CTNND2: variants seen among roughly 807,000 people sequenced by gnomAD.
CTNND2 encodes catenin delta-2.
CTNND2 carries 22 observed loss-of-function variants against 144.4 expected under a neutral mutation model. The ratio of observed to expected loss-of-function variants is 0.15; its 90% CI spans 0.11 to 0.22. The LOEUF (loss-of-function observed/expected upper bound fraction) is 0.22. CTNND2 is among the 10% of genes least tolerant of loss of function. The pLI, the probability that CTNND2 is intolerant of heterozygous loss-of-function variation, is 1.00. For missense variants in CTNND2, 1,353 were observed against 1,618.8 expected (o/e 0.84, Z 2.82); for synonymous variants, 751 against 695.6 (o/e 1.08, Z -1.25).
Position 11,283,705 on chromosome 5 carries a change from A to AAAAG in CTNND2, c.1629-46883_1629-46882insCTTT, listed in dbSNP as rs1242454528. On this transcript the variant is annotated intron_variant, in intron 9 of 21. Coordinates refer to ENST00000304623, the MANE Select transcript of CTNND2 (RefSeq NM_001332.4). ...AAAAAAAAAAAAAAAAAAAAAAAAAAAGAGAGAGACATGGGAATCTGTATA... is the reference window on the plus strand; with the variant it reads ...AAAAAAAAAAAAAAAAAAAAAAAAAAAAAGAGAGAGAGACATGGGAATCTGTATA... Among the ~76,000 whole-genome samples, 602 of 123,186 alleles carry AAAAG rather than the reference A, an allele frequency of 4.9e-3. 25 individuals are homozygous for AAAAG. Among genetic ancestry groups the AAAAG allele is most frequent in the African/African-American group, 0.012 (353 of 30,636 alleles). The allele number at this position is 123,186 out of a possible 152,430, so 80.8% of individuals were successfully genotyped here. A position where few individuals can be genotyped will look rare whatever the true frequency, so the allele number is the denominator to read the frequency against.
At chr5:11,729,509 C>T (rs1240851234) in intron 2 of CTNND2, among the ~76,000 whole-genome samples, 3 of 152,078 alleles carry the variant, frequency 2.0e-5, no homozygotes, top group Non-Finnish European at 2.9e-5. Context: ...TGGATTTTTT[C>T]CCCAAAGATT....
chr5:11,665,581 G>A (rs549010114), intron 2 of CTNND2, among the ~76,000 whole-genome samples: 3 of 152,196 alleles, frequency 2.0e-5, no homozygotes, highest in South Asian at 2.1e-4. Flanking sequence ...AATGCTATAC[G>A]GAATATCATC....
chr5:11,703,608 CTT>C (rs1327437528), intron 2 of CTNND2, among the ~76,000 whole-genome samples: 1 of 152,184 alleles, frequency 6.6e-6, no homozygotes, highest in Non-Finnish European at 1.5e-5. Context: ...CCAGGTACTT[CTT>C]TAGTTATTGC....
Position 11,531,320 on chromosome 5 carries a change from C to G in CTNND2, c.287+33624G>C, listed in dbSNP as rs566855056. 4.6e-4 allele frequency among the ~76,000 whole-genome samples: 70 copies of G among 152,194 alleles called. No individual in the cohort carries two copies. In the South Asian group the frequency reaches 0.011, roughly 23 times the overall value. The stretch of plus-strand genomic sequence containing the variant: ...TGGGAGGGAAACACGGCCCCCCACA[C>G]AGTGAGCTAAAAAAGACAGGGAGGG... On this transcript the variant is annotated intron_variant, in intron 3 of 21. Coordinates refer to ENST00000304623, the MANE Select transcript of CTNND2 (RefSeq NM_001332.4).
At chr5:11,790,686 A>G (rs1280792755) in intron 1 of CTNND2, among the ~76,000 whole-genome samples, 1 of 152,222 alleles carries the variant, frequency 6.6e-6, no homozygotes, top group Non-Finnish European at 1.5e-5. Context: ...CAGTAAATCT[A>G]CAAATATCAC....
intron 9 of CTNND2, among the ~76,000 whole-genome samples, chr5:11,289,747 T>C (rs1748128292): frequency 6.6e-6 from 1 of 152,154 alleles, no homozygotes; most frequent in African/African-American, 2.4e-5. Flanking sequence ...CTTTCCACGG[T>C]TCCCATCTAA....
chr5:11,069,011 C>T (rs1028977766), intron 16 of CTNND2, among the ~76,000 whole-genome samples: 21 of 152,332 alleles, frequency 1.4e-4, no homozygotes, highest in African/African-American at 3.8e-4. Flanking sequence ...AGACACTGTC[C>T]GTGTCCGTGT....
intron 3 of CTNND2, among the ~76,000 whole-genome samples, chr5:11,527,381 A>T (rs1773349627): frequency 6.6e-6 from 1 of 152,164 alleles, no homozygotes; most frequent in Admixed American, 6.5e-5. Flanking sequence ...ATGCAAAGAT[A>T]CACTGTGCCC....
chr5:11,018,343 T>C (rs1237295385), intron 17 of CTNND2, among the ~76,000 whole-genome samples: 3 of 152,028 alleles, frequency 2.0e-5, no homozygotes, highest in Admixed American at 6.6e-5. Context: ...GACAAAACAA[T>C]GTAGAAATTA....
intron 3 of CTNND2, among the ~76,000 whole-genome samples, chr5:11,515,725 T>C (rs944547721): frequency 6.6e-6 from 1 of 152,116 alleles, no homozygotes; most frequent in Non-Finnish European, 1.5e-5. Flanking sequence ...CAGAAGTGCA[T>C]AGAAAATTTA....
chr5:11,625,173 T>C (rs1285928216), intron 2 of CTNND2, among the ~76,000 whole-genome samples: 1 of 152,128 alleles, frequency 6.6e-6, no homozygotes, highest in Admixed American at 6.6e-5. Context: ...TTTTGTTTCT[T>C]GCTTCTAATC....
At chr5:11,849,595 G>A (rs1561856625) in intron 1 of CTNND2, among the ~76,000 whole-genome samples, 4 of 152,100 alleles carry the variant, frequency 2.6e-5, no homozygotes, top group South Asian at 4.1e-4. Flanking sequence ...CTGGTGGTAC[G>A]GTTTAGGTAG....
intron 3 of CTNND2, among the ~76,000 whole-genome samples, chr5:11,445,050 T>A (rs1460633990): frequency 6.6e-6 from 1 of 152,172 alleles, no homozygotes; most frequent in Non-Finnish European, 1.5e-5. Context: ...GGGTGCTTCA[T>A]AACAGCAGAA....
In CTNND2 at chr5:11,210,374, GATGACAGAGGA is replaced by G. The variant is rs2149844606; in HGVS notation, c.1762-10724_1762-10714del. ...GATCTTGCCACTGTACTCCAGCCTG[GATGACAGAGGA>G]AGACTCTGTCTAAAAATAAATAAAT... On this transcript the variant is annotated intron_variant, in intron 10 of 21. Coordinates refer to ENST00000304623, the MANE Select transcript of CTNND2 (RefSeq NM_001332.4). 1.3e-5 allele frequency among the ~76,000 whole-genome samples: 2 copies of G among 152,296 alleles called. 1 individual carries two copies. Among genetic ancestry groups the G allele is most frequent in the South Asian group, 4.1e-4 (2 of 4,826 alleles).
chr5:11,159,496 G>C, intron 12 of CTNND2, 80 bp downstream of exon 12: 9 of 1,163,250 alleles, frequency 7.7e-6, no homozygotes, highest in South Asian at 6.6e-5. Context: ...CTCAGTAAAA[G>C]AGCCACTAAA....
chr5:11,436,956 C>T (rs1182856184), intron 3 of CTNND2, among the ~76,000 whole-genome samples: 1 of 152,144 alleles, frequency 6.6e-6, no homozygotes, highest in Non-Finnish European at 1.5e-5. Context: ...ACCTAATCCA[C>T]TAAATCTAAG....
chr5:11,382,848 G>A (rs988696517), intron 7 of CTNND2, among the ~76,000 whole-genome samples: 1 of 152,106 alleles, frequency 6.6e-6, no homozygotes, highest in African/African-American at 2.4e-5. Flanking sequence ...AATCAGGCAT[G>A]GAGGTCTTGG....
At chr5:11,124,015 G>A (rs1422228271) in intron 12 of CTNND2, among the ~76,000 whole-genome samples, 1 of 152,132 alleles carries the variant, frequency 6.6e-6, no homozygotes. Context: ...AACTTGTGAG[G>A]GGGGATCTCA....
At chr5:11,338,521 C>T (rs1753942771) in intron 9 of CTNND2, among the ~76,000 whole-genome samples, 1 of 152,174 alleles carries the variant, frequency 6.6e-6, no homozygotes, top group South Asian at 2.1e-4. Flanking sequence ...CGGATTTCCA[C>T]CATCGCAAAG....
Sources: gnomAD v4.1 joint callset for allele counts (sites outside exome capture counted in the v4.1 genomes callset) on GRCh38, gnomAD v4.1.1 for gene constraint, MANE v1.5 for transcripts, NCBI Gene and HGNC (gene_info 2026-07-23, HGNC 2026-07-21) for gene names.